ARHGAP22: variants seen among roughly 807,000 people sequenced by gnomAD.
ARHGAP22 encodes Rho GTPase activating protein 22, also known as rho GTPase-activating protein 22.
A neutral mutation model predicts 59.1 loss-of-function variants in ARHGAP22; 48 were observed. The observed-to-expected ratio is 0.81, with a 90% CI of 0.64 to 1.03. The LOEUF (loss-of-function observed/expected upper bound fraction) is 1.03, where lower values mean the gene tolerates loss of function less well. Among genes scored for constraint, ARHGAP22 ranks in the 50% least tolerant of loss-of-function variants. The probability of loss-of-function intolerance (pLI) is 0.00; values close to 1 mark genes in which losing one functional copy is unlikely to be tolerated. For missense variants in ARHGAP22, 1,015 were observed against 958.7 expected (o/e 1.06, Z -0.78); for synonymous variants, 445 against 416.4 (o/e 1.07, Z -0.84).
intron 3 of ARHGAP22, among the ~76,000 whole-genome samples, chr10:48,517,343 T>A (rs1204903515): frequency 2.0e-5 from 3 of 152,216 alleles, no homozygotes; most frequent in Non-Finnish European, 2.9e-5. Flanking sequence ...AGGATAAGCA[T>A]TAGCTACATA....
At chr10:48,528,832 G>T (rs1008835757) in intron 3 of ARHGAP22, among the ~76,000 whole-genome samples, 1 of 151,992 alleles carries the variant, frequency 6.6e-6, no homozygotes, top group African/African-American at 2.4e-5. Flanking sequence ...CTCTCTGTCT[G>T]TTACTTTCTT....
At chr10:48,515,573 T>C (rs2053208153) in intron 3 of ARHGAP22, among the ~76,000 whole-genome samples, 1 of 152,164 alleles carries the variant, frequency 6.6e-6, no homozygotes, top group African/African-American at 2.4e-5. Context: ...CAAGCAGACC[T>C]AACATACAAC....
chr10:48,625,972 A>G (rs531115707), intron 1 of ARHGAP22, among the ~76,000 whole-genome samples: 3 of 152,186 alleles, frequency 2.0e-5, no homozygotes, highest in African/African-American at 7.2e-5. Flanking sequence ...CACCACCAGC[A>G]TATCTAGTCC....
At chr10:48,543,128 G>C (rs1014804001) in intron 3 of ARHGAP22, among the ~76,000 whole-genome samples, 4 of 152,188 alleles carry the variant, frequency 2.6e-5, no homozygotes, top group African/African-American at 9.7e-5. Context: ...GGACACACCA[G>C]CTAAATATCA....
chr10:48,526,914 A>T (rs986603470), intron 3 of ARHGAP22, among the ~76,000 whole-genome samples: 2 of 152,214 alleles, frequency 1.3e-5, no homozygotes, highest in Admixed American at 6.5e-5. Context: ...GGTTTCACAC[A>T]CTTTAATTCC....
At chr10:48,558,676 T>G (rs2057481803) in intron 2 of ARHGAP22, among the ~76,000 whole-genome samples, 1 of 152,130 alleles carries the variant, frequency 6.6e-6, no homozygotes, top group African/African-American at 2.4e-5. Context: ...CTGATTCAAT[T>G]TCTAATAATG....
upstream of ARHGAP22, among the ~76,000 whole-genome samples, chr10:48,609,501 A>C (rs1030353878): frequency 1.3e-5 from 2 of 152,238 alleles, no homozygotes; most frequent in Non-Finnish European, 2.9e-5. Context: ...GAATGACTGC[A>C]TGGAGCCAAG....
chr10:48,581,203 A>G (rs2059098707), intron 2 of ARHGAP22, among the ~76,000 whole-genome samples: 1 of 152,182 alleles, frequency 6.6e-6, no homozygotes, highest in Non-Finnish European at 1.5e-5. Context: ...GCTCAGCTGT[A>G]TCATCCCTCA....
intron 3 of ARHGAP22, among the ~76,000 whole-genome samples, chr10:48,481,916 A>C (rs1189866858): frequency 6.6e-6 from 1 of 152,188 alleles, no homozygotes; most frequent in Non-Finnish European, 1.5e-5. Context: ...TTTTTGGTGA[A>C]ATATCTGTTC....
intron 3 of ARHGAP22, among the ~76,000 whole-genome samples, chr10:48,532,020 A>G (rs2054897966): frequency 6.6e-6 from 1 of 152,216 alleles, no homozygotes; most frequent in African/African-American, 2.4e-5. Context: ...GAAGGGCGTG[A>G]TGTAGACACT....
At chr10:48,537,672 G>A (rs4838418) in intron 3 of ARHGAP22, among the ~76,000 whole-genome samples, 2 of 152,098 alleles carry the variant, frequency 1.3e-5, no homozygotes, top group Admixed American at 1.3e-4. Context: ...GCGCACACAG[G>A]GGGGAAGCAG....
chr10:48,488,157 A>T (rs571240579), intron 3 of ARHGAP22, among the ~76,000 whole-genome samples: 4 of 152,360 alleles, frequency 2.6e-5, no homozygotes, highest in Non-Finnish European at 5.9e-5. Flanking sequence ...TAGTGTGTCT[A>T]ATCTGCCATT....
chr10:48,645,910 G>A (rs1340593979), intron 1 of ARHGAP22, among the ~76,000 whole-genome samples: 2 of 152,144 alleles, frequency 1.3e-5, no homozygotes, highest in Non-Finnish European at 2.9e-5. Context: ...AAGAAAATCT[G>A]TCTTTATTTG....
chr10:48,435,048 G>C, the ARHGAP22 span: 2 of 1,502,208 alleles, frequency 1.3e-6, no homozygotes, highest in East Asian at 2.4e-5. Flanking sequence ...GCCATCGGGG[G>C]GTGGGAGGGA....
intron 1 of ARHGAP22, among the ~76,000 whole-genome samples, chr10:48,642,941 C>T (rs1303897391): frequency 1.3e-5 from 2 of 152,186 alleles, no homozygotes; most frequent in African/African-American, 4.8e-5. Context: ...TATGAACAGA[C>T]TTTTCTCAAA....
intron 3 of ARHGAP22, chr10:48,493,513 A>C: frequency 6.5e-7 from 1 of 1,535,164 alleles, no homozygotes; most frequent in Non-Finnish European, 8.7e-7. Context: ...CGGGGGCTGC[A>C]GTGAGAGGAG....
chr10:48,470,520 A>G (rs562834685), intron 4 of ARHGAP22, among the ~76,000 whole-genome samples: 120 of 152,264 alleles, frequency 7.9e-4, no homozygotes, highest in African/African-American at 2.8e-3. Context: ...AGGAGGCCCA[A>G]GTGTGCTCTG....
chr10:48,517,216 T>C (rs2053370802), intron 3 of ARHGAP22, among the ~76,000 whole-genome samples: 1 of 152,166 alleles, frequency 6.6e-6, no homozygotes, highest in African/African-American at 2.4e-5. Flanking sequence ...ATTATATAAA[T>C]TCAAATTCAA....
At chr10:48,543,648 G>A (rs1396515647) in intron 3 of ARHGAP22, among the ~76,000 whole-genome samples, 1 of 152,164 alleles carries the variant, frequency 6.6e-6, no homozygotes, top group Admixed American at 6.5e-5. Flanking sequence ...CTCACTCCAG[G>A]CCTCTGGAGC....
Sources: gnomAD v4.1 joint callset for allele counts (sites outside exome capture counted in the v4.1 genomes callset) on GRCh38, gnomAD v4.1.1 for gene constraint, MANE v1.5 for transcripts, NCBI Gene and HGNC (gene_info 2026-07-23, HGNC 2026-07-21) for gene names.